KLHL29: variants seen among roughly 807,000 people sequenced by gnomAD.
KLHL29 encodes the protein kelch-like protein 29.
A neutral mutation model predicts 80.4 loss-of-function variants in KLHL29; 21 were observed. The observed-to-expected ratio is 0.26, with a 90% CI of 0.19 to 0.38. The LOEUF is 0.38. Ranked by LOEUF, KLHL29 falls within the 10% of genes least tolerant of loss-of-function variation. The pLI, the probability that KLHL29 is intolerant of heterozygous loss-of-function variation, is 1.00. For synonymous variants in KLHL29, 511 were observed against 526.8 expected, an observed-to-expected ratio of 0.97 and a Z score of 0.41; for missense variants, 867 against 1,223.9, an observed-to-expected ratio of 0.71 and a Z score of 4.35.
At chr2:23,480,312 C>A (rs1664759786) in intron 2 of KLHL29, among the ~76,000 whole-genome samples, 1 of 152,126 alleles carries the variant, frequency 6.6e-6, no homozygotes, top group Non-Finnish European at 1.5e-5. Context: ...CATGGTGAAA[C>A]CCCATCTCTA....
intron 1 of KLHL29, among the ~76,000 whole-genome samples, chr2:23,467,532 G>A (rs1363730997): frequency 6.6e-6 from 1 of 152,142 alleles, no homozygotes; most frequent in African/African-American, 2.4e-5. Context: ...TTTATTCTGA[G>A]AGTGTAGAAA....
intron 3 of KLHL29, among the ~76,000 whole-genome samples, chr2:23,590,637 G>C (rs773621356): frequency 2.0e-5 from 3 of 152,176 alleles, no homozygotes; most frequent in Non-Finnish European, 2.9e-5. Flanking sequence ...CCCACACACA[G>C]AGGCTGCGGA....
intron 1 of KLHL29, among the ~76,000 whole-genome samples, chr2:23,444,343 T>C (rs1663614785): frequency 6.6e-6 from 1 of 152,228 alleles, no homozygotes; most frequent in African/African-American, 2.4e-5. Context: ...AATTTTTGTT[T>C]GTTTGTTTTT....
chr2:23,580,911 G>A (rs112076181), intron 3 of KLHL29, among the ~76,000 whole-genome samples: 19,705 of 150,100 alleles, frequency 0.13, 1,479 homozygotes, highest in African/African-American at 0.26. Context: ...CCAGGAGGAG[G>A]AGGTTGCAGT....
chr2:23,486,508 C>T (rs757668582), intron 2 of KLHL29, among the ~76,000 whole-genome samples: 2 of 152,120 alleles, frequency 1.3e-5, no homozygotes, highest in African/African-American at 2.4e-5. Flanking sequence ...CTAGAAGTGA[C>T]GCTCTGGATG....
intron 1 of KLHL29, among the ~76,000 whole-genome samples, chr2:23,387,169 G>C (rs1239076626): frequency 6.6e-6 from 1 of 152,198 alleles, no homozygotes; most frequent in South Asian, 2.1e-4. Flanking sequence ...AGACCTCGGC[G>C]CTGGAGGGAC....
intron 2 of KLHL29, among the ~76,000 whole-genome samples, chr2:23,529,726 G>C (rs1558375034): frequency 6.6e-6 from 1 of 152,234 alleles, no homozygotes; most frequent in Admixed American, 6.5e-5. Context: ...TACAGAAACA[G>C]GACCTAGCTT....
At chr2:23,670,917 G>GCGCTCT (rs150131401) in intron 5 of KLHL29, among the ~76,000 whole-genome samples, 1 of 18,568 alleles carries the variant, frequency 5.4e-5, no homozygotes. Flanking sequence ...ACATGCACGC[G>GCGCTCT]CTCTCTCTCT....
intron 2 of KLHL29, among the ~76,000 whole-genome samples, chr2:23,519,225 C>T (rs1258646230): frequency 6.6e-6 from 1 of 152,178 alleles, no homozygotes; most frequent in Non-Finnish European, 1.5e-5. Context: ...AGTCTTGGAC[C>T]CGTCCACTAC....
At chr2:23,463,214 G>A (rs1188402095) in intron 1 of KLHL29, among the ~76,000 whole-genome samples, 1 of 138,712 alleles carries the variant, frequency 7.2e-6, no homozygotes, top group Non-Finnish European at 1.6e-5. Flanking sequence ...TGAAGCAGGT[G>A]TTTTTGGCTT....
At chr2:23,646,570 C>G (rs933815611) in intron 5 of KLHL29, among the ~76,000 whole-genome samples, 7 of 152,176 alleles carry the variant, frequency 4.6e-5, no homozygotes, top group African/African-American at 1.7e-4. Context: ...TTGCAGGGGC[C>G]TAGGGTGAGG....
At chr2:23,703,117 C>T in intron 11 of KLHL29, 69 bp from the exon 12 acceptor site, 2 of 1,187,794 alleles carry the variant, frequency 1.7e-6, no homozygotes, top group East Asian at 3.1e-5. Flanking sequence ...AGTTTGCTGC[C>T]CTTGCTTGTG....
intron 1 of KLHL29, among the ~76,000 whole-genome samples, chr2:23,404,119 C>T (rs1468069020): frequency 1.3e-5 from 2 of 152,170 alleles, no homozygotes; most frequent in African/African-American, 2.4e-5. Context: ...TTCTGTTCCT[C>T]AGCCAGAACG....
intron 5 of KLHL29, among the ~76,000 whole-genome samples, chr2:23,683,149 A>C (rs925224580): frequency 6.6e-6 from 1 of 152,216 alleles, no homozygotes; most frequent in Non-Finnish European, 1.5e-5. Context: ...GCCAGGAAGG[A>C]GTCCTGGCGG....
intron 1 of KLHL29, among the ~76,000 whole-genome samples, chr2:23,398,786 A>C (rs961221978): frequency 3.9e-5 from 6 of 152,226 alleles, no homozygotes; most frequent in African/African-American, 1.4e-4. Context: ...TTTCACAGAA[A>C]TATTCCAGGG....
chr2:23,442,720 A>T (rs147153404), intron 1 of KLHL29, among the ~76,000 whole-genome samples: 2 of 152,256 alleles, frequency 1.3e-5, no homozygotes, highest in South Asian at 2.1e-4. Flanking sequence ...CAGCAGCGAG[A>T]GGAAACAAAT....
chr2:23,554,119 G>T (rs1667199820), intron 2 of KLHL29, among the ~76,000 whole-genome samples: 1 of 152,214 alleles, frequency 6.6e-6, no homozygotes, highest in Non-Finnish European at 1.5e-5. Context: ...CATTTCCGAA[G>T]GGCATCCCCA....
Position 23,385,569 on chromosome 2 carries a change from G to T in KLHL29, c.-365G>T. On this transcript the variant is annotated 5_prime_UTR_variant, in exon 1 of 14. Transcript: ENST00000486442. ...CATCCTCCCTGGGCTGCCGGGAGGCGGCGGCGGCGGAGGAGGAGGAGGAAC... is the reference window on the plus strand; with the variant it reads ...CATCCTCCCTGGGCTGCCGGGAGGCTGCGGCGGCGGAGGAGGAGGAGGAAC... The T allele has an allele frequency of 1.2e-5, 2 of 171,352 alleles. No individual in the cohort carries two copies. Among genetic ancestry groups the T allele is most frequent in the South Asian group, 3.6e-4 (2 of 5,542 alleles). The allele number at this position is 171,352 out of a possible 1,614,324, so 10.6% of individuals were successfully genotyped here.
intron 3 of KLHL29, among the ~76,000 whole-genome samples, chr2:23,602,685 T>A (rs1017698835): frequency 1.3e-5 from 2 of 149,998 alleles, no homozygotes; most frequent in African/African-American, 4.9e-5. Flanking sequence ...ACTCCTGGGC[T>A]CCAAGCAGTC....
Sources: allele counts gnomAD v4.1 joint callset (sites outside exome capture counted in the v4.1 genomes callset), GRCh38; gene constraint gnomAD v4.1.1; transcripts MANE v1.5; gene names NCBI Gene and HGNC (gene_info 2026-07-23, HGNC 2026-07-21).